PUS7L: variants seen among roughly 807,000 people sequenced by gnomAD.
PUS7L encodes the protein pseudouridine synthase 7 like.
A neutral mutation model predicts 51.1 loss-of-function variants in PUS7L; 49 were observed. The observed-to-expected ratio is 0.96, with a 90% CI of 0.76 to 1.22. PUS7L has a LOEUF of 1.22. PUS7L is among the 50% of genes most tolerant of loss of function. The pLI, the probability that PUS7L is intolerant of heterozygous loss-of-function variation, is 0.00. For missense variants in PUS7L, 828 were observed against 820.6 expected (o/e 1.01, Z -0.11); for synonymous variants, 277 against 276.2 (o/e 1.00, Z -0.03).
Position 43,748,563 on chromosome 12 carries a change from A to T in PUS7L, c.957T>A (p.Gly319=). The T allele has an allele frequency of 6.2e-7, 1 of 1,607,984 alleles. No homozygotes were observed. The highest frequency in any genetic ancestry group is 8.5e-7 in the Non-Finnish European group (1 of 1,178,554). The change falls in exon 3 of 9, where the codon GGT becomes GGA. Residue 319 remains glycine, a synonymous_variant. Transcript: ENST00000344862. ...KENLEMFEAI[G]FLAIKLGVIP... ...TAACACCAAGTTTGATAGCTAAAAA[A>T]CCAATCGCTTCAAACATTTCCAGGT...
intron 4 of PUS7L, among the ~76,000 whole-genome samples, chr12:43,744,625 T>A (rs535144170): frequency 6.6e-6 from 1 of 152,310 alleles, no homozygotes; most frequent in African/African-American, 2.4e-5. Context: ...GAGTATATAA[T>A]CAGATAACTT....
rs776247175 is a variant in PUS7L at position 43,736,663 on chromosome 12, T to C, written c.1445-2A>G. 3 of 1,612,192 alleles carry C rather than the reference T, an allele frequency of 1.9e-6. No homozygotes were observed. The highest frequency in any genetic ancestry group is 2.2e-5 in the East Asian group (1 of 44,862). On this transcript the variant is annotated splice_acceptor_variant, in intron 6 of 8. Transcript: ENST00000344862. LOFTEE classifies it high-confidence loss of function. ...ATGAAAGTGTGCCTTTAGCATCCTC[T>C]GAAACAAAGGGTAAATCAGGTATAG...
chr12:43,743,064 G>C (rs745871850), intron 4 of PUS7L, among the ~76,000 whole-genome samples: 1 of 152,096 alleles, frequency 6.6e-6, no homozygotes. Context: ...TGAGACAATG[G>C]AGCCACTTCA....
chr12:43,719,210 AT>A lies in PUS7L; in HGVS notation c.*11165del, dbSNP rs1944366963. On this transcript the variant is annotated 3_prime_UTR_variant, in exon 9 of 9. Transcript: ENST00000344862. ...AAACAAAATATTAACAAATAATGTG[AT>A]TGATCTCAGAAACAGTATTGAGTAA... The A allele has an allele frequency of 1.5e-4, 23 of 152,298 alleles. No homozygotes were observed. The highest frequency in any genetic ancestry group is 1.4e-3 in the Admixed American group (22 of 15,304). The allele number at this position is 152,298 out of a possible 1,614,324, so 9.4% of individuals were successfully genotyped here. A position where few individuals can be genotyped will look rare whatever the true frequency, so the allele number is the denominator to read the frequency against.
At chr12:43,738,927 G>C (rs1937745567) in intron 5 of PUS7L, 1 of 189,610 alleles carries the variant, frequency 5.3e-6, no homozygotes, top group Non-Finnish European at 1.2e-5. Flanking sequence ...ATATTAAATA[G>C]TTCTTTAATA....
In PUS7L at chr12:43,724,831, T is replaced by C. The variant is rs1944434796; in HGVS notation, c.*5545A>G. 6.6e-6 allele frequency: 1 copy of C among 152,238 alleles called. No individual in the cohort carries two copies. The highest frequency in any genetic ancestry group is 2.1e-4 in the South Asian group (1 of 4,834). The allele number at this position is 152,238 out of a possible 1,614,324, so 9.4% of individuals were successfully genotyped here. ...TATACTATTATTTATTTAATACCTT[T>C]AAATTGATTCTACCTCTTTAAAATT... On this transcript the variant is annotated 3_prime_UTR_variant, in exon 9 of 9. Transcript: ENST00000344862.
At chr12:43,732,204 C>T (rs1185526512) in intron 7 of PUS7L, among the ~76,000 whole-genome samples, 2 of 151,724 alleles carry the variant, frequency 1.3e-5, no homozygotes, top group Non-Finnish European at 2.9e-5. Flanking sequence ...ATCTGTAATT[C>T]AGTGCTTTGG....
chr12:43,743,323 C>T (rs1937996381), intron 4 of PUS7L, among the ~76,000 whole-genome samples: 1 of 152,216 alleles, frequency 6.6e-6, no homozygotes, highest in South Asian at 2.1e-4. Flanking sequence ...GAGTCCTCCA[C>T]ACTTACTTTA....
rs1450844122 is a variant in PUS7L, at chr12:43,742,543, C to T, written c.1276G>A (p.Val426Met). 2 of 1,602,732 alleles carry T rather than the reference C, an allele frequency of 1.2e-6. No individual in the cohort carries two copies. Among genetic ancestry groups the T allele is most frequent in the East Asian group, 2.2e-5 (1 of 44,662 alleles). The stretch of plus-strand genomic sequence containing the variant: ...AATCTCTGTGGTCCATAGTAATTCA[C>T]AAAGCCTTTTTTCTATGTATACAAA... ...AIENVKKKGFVNYYGPQRFGK... is the reference protein window; with the variant it reads ...AIENVKKKGFMNYYGPQRFGK... The change falls in exon 5 of 9, where the codon GTG (valine) becomes ATG (methionine). Residue 426 changes from valine to methionine, a missense_variant. Physicochemically the swap from Val to Met is conservative, Grantham distance 21 (BLOSUM62 1). Coordinates refer to ENST00000344862, the MANE Select transcript of PUS7L (RefSeq NM_031292.5).
At chr12:43,743,062 T>C (rs1592169904) in intron 4 of PUS7L, among the ~76,000 whole-genome samples, 1 of 152,176 alleles carries the variant, frequency 6.6e-6, no homozygotes, top group African/African-American at 2.4e-5. Flanking sequence ...CCTGAGACAA[T>C]GGAGCCACTT....
At chr12:43,753,002 A>G (rs1322887709) in intron 2 of PUS7L, among the ~76,000 whole-genome samples, 4 of 149,582 alleles carry the variant, frequency 2.7e-5, no homozygotes, top group Non-Finnish European at 5.9e-5. Context: ...AAACTAATAT[A>G]TAAAGTTCTA....
intron 3 of PUS7L, among the ~76,000 whole-genome samples, chr12:43,747,467 G>A (rs1938223508): frequency 6.6e-6 from 1 of 152,158 alleles, no homozygotes; most frequent in South Asian, 2.1e-4. Flanking sequence ...GCTGAGGCGG[G>A]TGGATCATCT....
intron 3 of PUS7L, 38 bp downstream of exon 3, chr12:43,748,412 C>A (rs758035656): frequency 1.9e-5 from 28 of 1,469,434 alleles, no homozygotes; most frequent in Non-Finnish European, 2.6e-5. Context: ...TTCCACTTCT[C>A]AAAGTTTCTA....
chr12:43,756,056 C>G (rs1044387338), intron 1 of PUS7L, among the ~76,000 whole-genome samples: 1 of 152,098 alleles, frequency 6.6e-6, no homozygotes, highest in African/African-American at 2.4e-5. Context: ...TTCTGTGTTT[C>G]CCCCACATTC....
intron 2 of PUS7L, among the ~76,000 whole-genome samples, chr12:43,748,954 C>T (rs1328723228): frequency 6.6e-6 from 1 of 152,132 alleles, no homozygotes; most frequent in Non-Finnish European, 1.5e-5. Flanking sequence ...GATCTCTTGG[C>T]CTCGTGATCC....
intron 1 of PUS7L, among the ~76,000 whole-genome samples, chr12:43,757,754 G>A (rs542229294): frequency 5.9e-5 from 9 of 152,334 alleles, no homozygotes; most frequent in African/African-American, 2.2e-4. Context: ...AATGCAAGAA[G>A]TGGCCATCTA....
intron 1 of PUS7L, 128 bp downstream of exon 1, chr12:43,758,602 C>T (rs1938997223): frequency 1.4e-5 from 14 of 983,228 alleles, no homozygotes; most frequent in East Asian, 1.2e-4. Context: ...CACTAGTCCA[C>T]GTCACCTTTC....
intron 7 of PUS7L, among the ~76,000 whole-genome samples, chr12:43,733,919 T>C (rs1944620029): frequency 6.6e-6 from 1 of 152,158 alleles, no homozygotes; most frequent in Admixed American, 6.6e-5. Flanking sequence ...TCTTTCCTAT[T>C]AGGTTGGAGC....
In PUS7L at chr12:43,754,478, A is replaced by C. The variant is rs549947130; in HGVS notation, c.768T>G (p.Leu256=). The C allele has an allele frequency of 5.0e-6, 8 of 1,613,866 alleles. No homozygotes were observed. In the East Asian group the frequency reaches 1.8e-4, roughly 36 times the overall value. Residue 256 remains leucine (L), a synonymous_variant, in exon 2 of 9, where the codon CTT becomes CTG. Transcript: ENST00000344862. The part of the protein sequence containing the change: ...HHFVNKKFGN[L]VETKSFSKMN... ...TTTTAGAAAAAGATTTGGTTTCCAC[A>C]AGGTTTCCAAACTTTTTGTTGACAA...
Sources: allele counts gnomAD v4.1 joint callset (sites outside exome capture counted in the v4.1 genomes callset), GRCh38; gene constraint gnomAD v4.1.1; transcripts MANE v1.5; gene names NCBI Gene and HGNC (gene_info 2026-07-23, HGNC 2026-07-21).